Variants in RORB observed in about 807,000 individuals in gnomAD.
RORB encodes the protein RAR related orphan receptor B.
Under a neutral mutation model 59.1 loss-of-function variants are expected in RORB, and 6 were observed. That is an observed-to-expected ratio of 0.10 (90% CI 0.06 to 0.20). RORB has a LOEUF of 0.20. Ranked by LOEUF, RORB falls within the 10% of genes least tolerant of loss-of-function variation. The pLI is 1.00. For missense variants in RORB, 320 were observed against 560.5 expected, an observed-to-expected ratio of 0.57 and a Z score of 4.33; for synonymous variants, 215 against 204.5, an observed-to-expected ratio of 1.05 and a Z score of -0.44.
At chr9:74,537,473 T>A (rs1826337480) in intron 1 of RORB, among the ~76,000 whole-genome samples, 1 of 152,050 alleles carries the variant, frequency 6.6e-6, no homozygotes. Flanking sequence ...AATCCTCATC[T>A]CCTGTTTTTT....
chr9:74,641,272 G>T (rs774986102), intron 3 of RORB, among the ~76,000 whole-genome samples: 1 of 152,160 alleles, frequency 6.6e-6, no homozygotes, highest in Admixed American at 6.5e-5. Context: ...ATTCACAACA[G>T]TTCAGGAGGT....
intron 1 of RORB, among the ~76,000 whole-genome samples, chr9:74,615,319 T>C (rs956671019): frequency 7.2e-5 from 11 of 152,324 alleles, no homozygotes; most frequent in Admixed American, 2.0e-4. Context: ...GGGAACATCT[T>C]GAAGTTGCTG....
rs533329182 is a variant in RORB at position 74,648,154 on chromosome 9, G to A, written c.637+5339G>A. Among the ~76,000 whole-genome samples, 6 of 152,170 alleles carry A rather than the reference G, an allele frequency of 3.9e-5. No homozygotes were observed. The East Asian group carries it at 1.2e-3, about 29-fold the overall frequency. On this transcript the variant is annotated intron_variant, in intron 4 of 9. Coordinates refer to ENST00000376896, the MANE Select transcript of RORB (RefSeq NM_006914.4). ...CAAGAAAAATTACTTGAACAATATG[G>A]GAAAAGGAAAATTCAGTGTTTAGCT...
At chr9:74,659,415 A>G (rs1256603152) in intron 4 of RORB, among the ~76,000 whole-genome samples, 1 of 152,192 alleles carries the variant, frequency 6.6e-6, no homozygotes, top group African/African-American at 2.4e-5. Context: ...CTAGTGTTCA[A>G]CTAGCAGGTG....
intron 4 of RORB, among the ~76,000 whole-genome samples, chr9:74,649,588 T>C (rs1278418943): frequency 6.6e-6 from 1 of 152,146 alleles, no homozygotes; most frequent in Non-Finnish European, 1.5e-5. Flanking sequence ...CTAGGTATCC[T>C]CTAATAACCC....
At chr9:74,531,555 T>C (rs893169966) in intron 1 of RORB, among the ~76,000 whole-genome samples, 6 of 152,008 alleles carry the variant, frequency 3.9e-5, no homozygotes, top group Non-Finnish European at 7.4e-5. Context: ...GAGATCCGTT[T>C]AGAGAGCTCA....
chr9:74,682,029 A>G (rs967051780), intron 9 of RORB, among the ~76,000 whole-genome samples: 5 of 151,968 alleles, frequency 3.3e-5, no homozygotes, highest in Admixed American at 6.6e-5. Flanking sequence ...ATGTCCTTCG[A>G]CTGAAAAGCA....
chr9:74,501,600 A>G (rs906880236), intron 1 of RORB, among the ~76,000 whole-genome samples: 3 of 152,248 alleles, frequency 2.0e-5, no homozygotes, highest in Non-Finnish European at 2.9e-5. Context: ...GTTTAAAAAG[A>G]AATCCTAAAG....
intron 1 of RORB, 134 bp downstream of exon 1, chr9:74,498,117 C>T: frequency 1.0e-6 from 1 of 986,250 alleles, no homozygotes; most frequent in Non-Finnish European, 1.5e-6. Flanking sequence ...TTCGCTCTCG[C>T]AGGTGGGGCT....
At chr9:74,586,229 C>A (rs552358914) in intron 1 of RORB, among the ~76,000 whole-genome samples, 1 of 152,066 alleles carries the variant, frequency 6.6e-6, no homozygotes, top group Non-Finnish European at 1.5e-5. Flanking sequence ...CAGGTGCAGT[C>A]GCTCATGCCT....
At position 74,636,547 on chromosome 9, in the gene RORB, C is replaced by T. The variant is rs146675479; in HGVS notation, c.235+1775C>T. Among the ~76,000 whole-genome samples, 11 of 152,144 alleles carry T rather than the reference C, an allele frequency of 7.2e-5. No homozygotes were observed. In the East Asian group the frequency reaches 2.1e-3, roughly 29 times the overall value. ...AGGATGGGAGGGTCATTTAACAGAG[C>T]CACAATTTATTCTCAAGAAGGAAGG... On this transcript the variant is annotated intron_variant, in intron 3 of 9. Coordinates refer to ENST00000376896, the MANE Select transcript of RORB (RefSeq NM_006914.4).
intron 1 of RORB, among the ~76,000 whole-genome samples, chr9:74,533,924 T>C (rs1826284034): frequency 6.6e-6 from 1 of 152,008 alleles, no homozygotes; most frequent in African/African-American, 2.4e-5. Flanking sequence ...AAGGACGCTG[T>C]ACTGTTGACT....
chr9:74,610,562 C>T (rs1823219204), intron 1 of RORB, among the ~76,000 whole-genome samples: 2 of 152,176 alleles, frequency 1.3e-5, no homozygotes. Flanking sequence ...ACCTAAACTC[C>T]TAATACCATC....
At chr9:74,642,277 TG>T in intron 3 of RORB, 136 bp from the exon 4 acceptor site, 1 of 844,224 alleles carries the variant, frequency 1.2e-6, no homozygotes, top group East Asian at 2.5e-5. Flanking sequence ...TGCAAATGAA[TG>T]GGTTCTTAAG....
chr9:74,543,231 A>G (rs1350226775), intron 1 of RORB, among the ~76,000 whole-genome samples: 1 of 152,074 alleles, frequency 6.6e-6, no homozygotes, highest in Admixed American at 6.5e-5. Context: ...TCCACCACAT[A>G]CGGCAACCCA....
At chr9:74,532,383 C>A (rs539080912) in intron 1 of RORB, among the ~76,000 whole-genome samples, 38 of 151,984 alleles carry the variant, frequency 2.5e-4, no homozygotes, top group African/African-American at 8.7e-4. Context: ...TCCTCCTGAT[C>A]TTTATTCCTC....
intron 9 of RORB, among the ~76,000 whole-genome samples, chr9:74,677,329 A>G (rs953093584): frequency 6.6e-6 from 1 of 152,154 alleles, no homozygotes; most frequent in African/African-American, 2.4e-5. Flanking sequence ...ATGGTACAAC[A>G]TTCTCCTTCT....
rs190790423 is a variant in RORB at position 74,619,766 on chromosome 9, G to C, written c.8-10516G>C. ...TTAGCATGAAGGGCTGTTGAATTTT[G>C]TCGAAGACCTTTTCTGCATCTATTG... On this transcript the variant is annotated intron_variant, in intron 1 of 9. Coordinates refer to ENST00000376896, the MANE Select transcript of RORB (RefSeq NM_006914.4). Among the ~76,000 whole-genome samples, 734 of 152,212 alleles carry C rather than the reference G, an allele frequency of 4.8e-3. 3 individuals carry two copies. Among genetic ancestry groups the C allele is most frequent in the African/African-American group, 0.017 (694 of 41,528 alleles).
intron 1 of RORB, among the ~76,000 whole-genome samples, chr9:74,577,543 G>T (rs540683590): frequency 6.6e-6 from 1 of 152,178 alleles, no homozygotes; most frequent in African/African-American, 2.4e-5. Context: ...TGAGCTATGG[G>T]CATGCAATTG....
Sources: allele counts gnomAD v4.1 joint callset (sites outside exome capture counted in the v4.1 genomes callset), GRCh38; gene constraint gnomAD v4.1.1; transcripts MANE v1.5; gene names NCBI Gene and HGNC (gene_info 2026-07-23, HGNC 2026-07-21).